SGK3: variants seen among roughly 807,000 people sequenced by gnomAD.
SGK3 encodes serum/glucocorticoid regulated kinase family member 3, also known as serine/threonine-protein kinase Sgk3.
In SGK3, 47 loss-of-function variants were observed where a neutral mutation model predicts 68.5. The ratio of observed to expected loss-of-function variants is 0.69; its 90% CI spans 0.54 to 0.87. The LOEUF (loss-of-function observed/expected upper bound fraction) is 0.87, where lower values mean the gene tolerates loss of function less well. Among genes scored for constraint, SGK3 ranks in the 40% least tolerant of loss-of-function variants. The pLI, the probability that SGK3 is intolerant of heterozygous loss-of-function variation, is 0.00. For missense variants in SGK3, 479 were observed against 575.5 expected (o/e 0.83, Z 1.72); for synonymous variants, 181 against 189.1 (o/e 0.96, Z 0.35).
chr8:66,752,988 T>A (rs1406805312), intron 1 of SGK3, among the ~76,000 whole-genome samples: 2 of 152,114 alleles, frequency 1.3e-5, no homozygotes, highest in Non-Finnish European at 2.9e-5. Context: ...AGTGTTGGGA[T>A]TATAGGTGTG....
chr8:66,813,383 C>T lies in SGK3; in HGVS notation c.254-470C>T, dbSNP rs16933063. Among the ~76,000 whole-genome samples, 1,179 of 152,024 alleles carry T rather than the reference C, an allele frequency of 7.8e-3. 56 individuals carry two copies. The East Asian group carries it at 0.15, about 20-fold the overall frequency. On this transcript the variant is annotated intron_variant, in intron 4 of 16. Transcript: ENST00000521198. The stretch of plus-strand genomic sequence containing the variant: ...AGTGGAAGTTAAACTAGAGTTTTGG[C>T]GATATTCAGTTAACCAATTAATCAT...
At chr8:66,855,947 A>G (rs546082084) in intron 16 of SGK3, among the ~76,000 whole-genome samples, 23 of 152,330 alleles carry the variant, frequency 1.5e-4, no homozygotes, top group African/African-American at 5.1e-4. Context: ...GTAATTTTCC[A>G]TATATATGGA....
At chr8:66,723,114 T>A (rs1804857094) in intron 1 of SGK3, among the ~76,000 whole-genome samples, 1 of 53,824 alleles carries the variant, frequency 1.9e-5, no homozygotes, top group African/African-American at 7.1e-5. Context: ...TATATATATA[T>A]ATATATATAT....
At chr8:66,834,816 T>G (rs1013952872) in intron 8 of SGK3, among the ~76,000 whole-genome samples, 4 of 151,358 alleles carry the variant, frequency 2.6e-5, no homozygotes, top group Non-Finnish European at 5.9e-5. Context: ...GGTGGGCGCC[T>G]GTAGTCCCAG....
rs1305929705 is a variant in SGK3 at position 66,859,424 on chromosome 8, A to T, written c.1334A>T (p.Asp445Val). Residue 445 changes from aspartate to valine, a missense_variant, in exon 17 of 17, where the codon GAT (aspartate) becomes GTT (valine). By Grantham distance (152) the Asp-to-Val change is radical. This residue lies in a region of SGK3 where 173 missense variants were observed against 214.3 expected (regional missense o/e 0.81). Coordinates refer to ENST00000521198, the MANE Select transcript of SGK3 (RefSeq NM_001033578.3). The part of the protein sequence containing the change: ...PFNPNVAGPD[D>V]IRNFDTAFTE... ...TTGATGTTTTAGGCTGGACCAGATG[A>T]TATCAGAAACTTTGACACAGCATTT... 2 of 1,608,532 alleles carry T rather than the reference A, an allele frequency of 1.2e-6. No individual in the cohort carries two copies. The highest frequency in any genetic ancestry group is 2.2e-5 in the South Asian group (2 of 90,226).
At chr8:66,747,025 T>C (rs1051746445) in intron 1 of SGK3, among the ~76,000 whole-genome samples, 2 of 152,030 alleles carry the variant, frequency 1.3e-5, no homozygotes, top group Admixed American at 6.6e-5. Context: ...AAATCTATTA[T>C]ATAGATTTTA....
intron 14 of SGK3, 146 bp from the exon 15 acceptor site, chr8:66,847,047 A>G (rs1810058977): frequency 2.6e-6 from 3 of 1,139,474 alleles, no homozygotes; most frequent in Non-Finnish European, 3.6e-6. Context: ...TCTTTGCTTC[A>G]GGAAGCCACA....
intron 1 of SGK3, among the ~76,000 whole-genome samples, chr8:66,733,255 GCATTC>G (rs1563600066): frequency 6.6e-6 from 1 of 152,180 alleles, no homozygotes; most frequent in Non-Finnish European, 1.5e-5. Context: ...GCCCAGAAAT[GCATTC>G]CTAGGCCTTC....
At chr8:66,780,222 A>C (rs1294858071) in intron 1 of SGK3, among the ~76,000 whole-genome samples, 22 of 152,210 alleles carry the variant, frequency 1.4e-4, no homozygotes, top group Admixed American at 1.4e-3. Context: ...CTGATGAAGG[A>C]ATAATGAGGC....
In SGK3 at chr8:66,846,355, C is replaced by A. The variant is rs140054432; in HGVS notation, c.1075-838C>A. 2.0e-3 allele frequency among the ~76,000 whole-genome samples: 299 copies of A among 152,274 alleles called. 3 individuals carry two copies. Among genetic ancestry groups the A allele is most frequent in the African/African-American group, 6.4e-3 (264 of 41,554 alleles). On this transcript the variant is annotated intron_variant, in intron 14 of 16. Transcript: ENST00000521198. Reference sequence around the variant, plus strand: ...TTTGAGATGGGGTCTCACTCTGTTGCCCAGGCTGGAGTGCAGTGGCGCAAT... The same window carrying A: ...TTTGAGATGGGGTCTCACTCTGTTGACCAGGCTGGAGTGCAGTGGCGCAAT...
intron 16 of SGK3, among the ~76,000 whole-genome samples, chr8:66,856,582 G>A (rs144129871): frequency 0.016 from 2,471 of 152,240 alleles, 38 homozygotes; most frequent in Non-Finnish European, 0.025. Flanking sequence ...TTTGGATTTT[G>A]GATTTTCAGA....
At chr8:66,737,531 A>G (rs1805358437) in intron 1 of SGK3, 1 of 151,886 alleles carries the variant, frequency 6.6e-6, no homozygotes, top group Non-Finnish European at 1.5e-5. Flanking sequence ...TCTTTGAATG[A>G]TTAAGGCTAC....
chr8:66,742,783 C>T (rs187057235), intron 1 of SGK3, among the ~76,000 whole-genome samples: 1 of 152,298 alleles, frequency 6.6e-6, no homozygotes, highest in Admixed American at 6.5e-5. Flanking sequence ...TTTTTTGTAT[C>T]TCCATTGCTG....
chr8:66,714,133 C>T (rs1804570385), intron 1 of SGK3, among the ~76,000 whole-genome samples: 1 of 152,082 alleles, frequency 6.6e-6, no homozygotes, highest in South Asian at 2.1e-4. Context: ...CTGATCTGTT[C>T]GACACTGTTT....
intron 1 of SGK3, among the ~76,000 whole-genome samples, chr8:66,743,882 A>G (rs1041189494): frequency 6.6e-6 from 1 of 152,170 alleles, no homozygotes; most frequent in Non-Finnish European, 1.5e-5. Context: ...AATTTTCCAC[A>G]GTCAAATCTA....
At chr8:66,759,536 A>T (rs948499880) in intron 1 of SGK3, among the ~76,000 whole-genome samples, 2 of 151,188 alleles carry the variant, frequency 1.3e-5, no homozygotes, top group African/African-American at 4.9e-5. Context: ...GGTTCAAGCA[A>T]TTCTCCTGCC....
intron 14 of SGK3, 53 bp downstream of exon 14, chr8:66,843,600 C>T (rs1809881754): frequency 6.5e-7 from 1 of 1,536,722 alleles, no homozygotes; most frequent in African/African-American, 1.4e-5. Flanking sequence ...ATTTGATTGT[C>T]TGTCTGTCTC....
chr8:66,857,438 G>T (rs1810558311), intron 16 of SGK3, among the ~76,000 whole-genome samples: 1 of 152,166 alleles, frequency 6.6e-6, no homozygotes, highest in African/African-American at 2.4e-5. Flanking sequence ...GAAATTCAGG[G>T]ATGGACTTTA....
intron 1 of SGK3, among the ~76,000 whole-genome samples, chr8:66,782,985 G>C (rs371740774): frequency 5.3e-5 from 8 of 152,286 alleles, no homozygotes; most frequent in African/African-American, 1.9e-4. Context: ...GCTTCTTTGG[G>C]TAAATACCAA....
Sources: allele counts gnomAD v4.1 joint callset (sites outside exome capture counted in the v4.1 genomes callset), GRCh38; gene constraint gnomAD v4.1.1; regional missense constraint gnomAD v4.1.1; transcripts MANE v1.5; gene names NCBI Gene and HGNC (gene_info 2026-07-23, HGNC 2026-07-21).